DNAH14: variants seen among roughly 807,000 people sequenced by gnomAD.
The protein encoded by DNAH14 is axonemal beta dynein heavy chain 14.
A neutral mutation model predicts 520.9 loss-of-function variants in DNAH14; 478 were observed. The observed-to-expected ratio is 0.92, with a 90% CI of 0.85 to 0.99. The LOEUF (loss-of-function observed/expected upper bound fraction) is 0.99, where lower values mean the gene tolerates loss of function less well. Ranked by LOEUF, DNAH14 falls within the 50% of genes least tolerant of loss-of-function variation. DNAH14 has a pLI of 0.00. For missense variants in DNAH14, 4,831 were observed against 5,234.5 expected, an observed-to-expected ratio of 0.92 and a Z score of 2.38; for synonymous variants, 1,581 against 1,757.2, an observed-to-expected ratio of 0.90 and a Z score of 2.51.
At chr1:225,331,675 C>A (rs1248497962) in intron 65 of DNAH14, 98 bp downstream of exon 65, 1 of 1,433,842 alleles carries the variant, frequency 7.0e-7, no homozygotes, top group Non-Finnish European at 9.4e-7. Flanking sequence ...CATATACCTT[C>A]TAAAACTATC....
chr1:225,289,804 C>A, intron 54 of DNAH14, 81 bp from the exon 55 acceptor site: 4 of 1,018,996 alleles, frequency 3.9e-6, no homozygotes, highest in South Asian at 9.5e-5. Context: ...AAATTTCTAG[C>A]ACAAATAATA....
intron 12 of DNAH14, 118 bp downstream of exon 12, chr1:225,038,941 C>A: frequency 1.2e-6 from 1 of 809,570 alleles, no homozygotes; most frequent in Non-Finnish European, 1.9e-6. Context: ...CATACCCTCG[C>A]CAACACACAC....
intron 66 of DNAH14, among the ~76,000 whole-genome samples, chr1:225,336,046 C>CATATATATGTGT (rs11281928): frequency 7.1e-6 from 1 of 141,586 alleles, no homozygotes; most frequent in East Asian, 2.1e-4. Context: ...CACATATATG[C>CATATATATGTGT]ATATATACAT....
intron 77 of DNAH14, among the ~76,000 whole-genome samples, chr1:225,368,852 A>AC (rs2095583764): frequency 6.6e-6 from 1 of 152,158 alleles, no homozygotes. Flanking sequence ...TGCAAGCTCA[A>AC]CTGCCTATCA....
chr1:224,942,182 A>C (rs1029572439), intron 1 of DNAH14, among the ~76,000 whole-genome samples: 2 of 151,930 alleles, frequency 1.3e-5, no homozygotes, highest in Admixed American at 6.6e-5. Context: ...CTTTTATTTC[A>C]TTGAGCAGTG....
At chr1:225,384,243 T>C (rs1391503166) in intron 81 of DNAH14, among the ~76,000 whole-genome samples, 1 of 152,208 alleles carries the variant, frequency 6.6e-6, no homozygotes, top group Non-Finnish European at 1.5e-5. Context: ...TCTGTAGATG[T>C]CTATTAGGTC....
At chr1:225,172,006 C>A (rs923727299) in intron 36 of DNAH14, among the ~76,000 whole-genome samples, 23 of 152,140 alleles carry the variant, frequency 1.5e-4, no homozygotes, top group South Asian at 8.3e-4. Flanking sequence ...ACAGAACCAA[C>A]GACAAAAACC....
chr1:225,002,888 T>A lies in DNAH14; in HGVS notation c.936T>A (p.Asn312Lys). ...ATGCAATTAATCTCAAAAATTATAA[T>A]GACCATGAAAATAATCTATCTGCCA... ...CEDAINLKNYNDHENNLSAIC... is the reference protein window; with the variant it reads ...CEDAINLKNYKDHENNLSAIC... The change falls in exon 9 of 86, where the codon AAT becomes AAA. Residue 312 changes from asparagine to lysine, a missense_variant. Transcript: ENST00000682510. The A allele has an allele frequency of 4.5e-6, 7 of 1,549,490 alleles. No homozygotes were observed. The highest frequency in any genetic ancestry group is 5.2e-6 in the Non-Finnish European group (6 of 1,145,612).
chr1:225,121,254 A>G (rs753819902), intron 26 of DNAH14, among the ~76,000 whole-genome samples: 2 of 152,176 alleles, frequency 1.3e-5, no homozygotes, highest in Non-Finnish European at 2.9e-5. Flanking sequence ...CTTATTTTTT[A>G]TGGTGAAAAC....
chr1:225,362,402 C>T (rs534293485), intron 75 of DNAH14, among the ~76,000 whole-genome samples: 5 of 152,092 alleles, frequency 3.3e-5, no homozygotes, highest in South Asian at 4.2e-4. Flanking sequence ...TGGTGAAACC[C>T]CGTCTCTACT....
chr1:225,338,895 G>A (rs1036191522), intron 68 of DNAH14, among the ~76,000 whole-genome samples: 3 of 152,094 alleles, frequency 2.0e-5, no homozygotes, highest in Non-Finnish European at 4.4e-5. Flanking sequence ...GAATTCTGAC[G>A]GACTGACTCC....
At chr1:225,162,993 C>T (rs949074124) in intron 35 of DNAH14, among the ~76,000 whole-genome samples, 14 of 151,744 alleles carry the variant, frequency 9.2e-5, no homozygotes, top group East Asian at 1.9e-4. Flanking sequence ...AAAAAATTAG[C>T]GGGGCGTGGT....
chr1:225,280,855 AG>A (rs894896652), intron 54 of DNAH14, among the ~76,000 whole-genome samples: 8 of 152,312 alleles, frequency 5.3e-5, no homozygotes, highest in Admixed American at 5.2e-4. Flanking sequence ...CAAAGATAAA[AG>A]GAGGAAAAAC....
intron 17 of DNAH14, among the ~76,000 whole-genome samples, chr1:225,068,823 T>C (rs1327081952): frequency 6.6e-6 from 1 of 152,102 alleles, no homozygotes; most frequent in East Asian, 1.9e-4. Context: ...GCTGAAATTA[T>C]CAGCTTAAGA....
chr1:225,337,190 CT>C, intron 66 of DNAH14, 75 bp from the exon 67 acceptor site: 2 of 1,188,196 alleles, frequency 1.7e-6, no homozygotes, highest in Non-Finnish European at 2.4e-6. Context: ...TCTGTAGGAT[CT>C]TTTAGTACCC....
At position 225,358,475 on chromosome 1, in the gene DNAH14, C is replaced by T. The variant is rs184386593; in HGVS notation, c.11620-21C>T. On this transcript the variant is annotated intron_variant, in intron 73 of 85. Transcript: ENST00000682510. ...TGGGTGGCTTTTAATTTTACCTTAT[C>T]TTCCATGTTTTCTTTTTTAGGTAAA... is the stretch of plus-strand genomic sequence containing the variant. The T allele has an allele frequency of 2.6e-3, 3,949 of 1,491,160 alleles. 6 individuals carry two copies. The highest frequency in any genetic ancestry group is 3.5e-3 in the South Asian group (259 of 74,336). 92.4% of individuals were successfully genotyped at this position (1,491,160 alleles called of 1,614,324 possible).
intron 37 of DNAH14, among the ~76,000 whole-genome samples, chr1:225,188,175 GCA>G (rs2084970858): frequency 6.6e-6 from 1 of 151,756 alleles, no homozygotes; most frequent in African/African-American, 2.4e-5. Context: ...TTTTTACTTT[GCA>G]CAGTTTCAGT....
chr1:225,362,301 G>A (rs951479266), intron 75 of DNAH14, among the ~76,000 whole-genome samples: 4 of 152,158 alleles, frequency 2.6e-5, no homozygotes, highest in East Asian at 3.9e-4. Context: ...CGGGCCGGGC[G>A]CGGTGGCTCA....
At chr1:225,153,872 C>A in intron 34 of DNAH14, 46 bp downstream of exon 34, 2 of 1,394,044 alleles carry the variant, frequency 1.4e-6, no homozygotes, top group South Asian at 1.3e-5. Flanking sequence ...TTATATACTG[C>A]TGGGAAAATA....
Sources: allele counts gnomAD v4.1 joint callset (sites outside exome capture counted in the v4.1 genomes callset), GRCh38; gene constraint gnomAD v4.1.1; transcripts MANE v1.5; gene names NCBI Gene and HGNC (gene_info 2026-07-23, HGNC 2026-07-21).